The following LRWD1 variants were observed in gnomAD, a reference collection of about 807,000 sequenced individuals.
LRWD1 encodes leucine-rich repeat and WD repeat-containing protein 1.
In LRWD1, 76 loss-of-function variants were observed where a neutral mutation model predicts 75.6. The observed-to-expected ratio is 1.01, with a 90% CI of 0.84 to 1.22. LRWD1 has a LOEUF of 1.22. LRWD1 is among the 50% of genes most tolerant of loss of function. LRWD1 has a pLI of 0.00. For missense variants in LRWD1, 917 were observed against 862.0 expected, an observed-to-expected ratio of 1.06 and a Z score of -0.80; for synonymous variants, 487 against 377.0, an observed-to-expected ratio of 1.29 and a Z score of -3.38.
chr7:102,468,024 AG>A lies in LRWD1; in HGVS notation c.679-36del, dbSNP rs1798065142. 4 of 1,594,250 alleles carry A rather than the reference AG, an allele frequency of 2.5e-6. No individual in the cohort carries two copies. The African/African-American group carries it at 5.4e-5, about 21-fold the overall frequency. Reference sequence around the variant, plus strand: ...CTGTGATGGGGAGGAAGGAAGCCCCAGGCAGACAGGCCCATGGTCACAAGGC... The same window carrying A: ...CTGTGATGGGGAGGAAGGAAGCCCCAGCAGACAGGCCCATGGTCACAAGGC... On this transcript the variant is annotated intron_variant, in intron 5 of 14. Coordinates refer to ENST00000292616, the MANE Select transcript of LRWD1 (RefSeq NM_152892.3).
rs200797856 is a variant in LRWD1, at chr7:102,473,116, T to G, written c.*67T>G. ...TTATTCAGCTTTGGGCCGATGGGGG[T>G]GGGGGGGGGTCTTTCAGTGAATATT... On this transcript the variant is annotated 3_prime_UTR_variant, in exon 15 of 15. Coordinates refer to ENST00000292616, the MANE Select transcript of LRWD1 (RefSeq NM_152892.3). The G allele has an allele frequency of 2.4e-4, 290 of 1,211,614 alleles. No individual in the cohort carries two copies. The highest frequency in any genetic ancestry group is 2.5e-4 in the Non-Finnish European group (224 of 882,772). 75.1% of individuals were successfully genotyped at this position (1,211,614 alleles called of 1,614,324 possible).
At position 102,466,201 on chromosome 7, in the gene LRWD1, G is replaced by A. The variant is rs1306823223; in HGVS notation, c.363G>A (p.Lys121=). 1 of 1,614,180 alleles carries A rather than the reference G, an allele frequency of 6.2e-7. No homozygotes were observed. The highest frequency in any genetic ancestry group is 8.5e-7 in the Non-Finnish European group (1 of 1,180,032). The change falls in exon 3 of 15, where the codon AAG becomes AAA. Residue 121 remains lysine, a synonymous_variant. Transcript: ENST00000292616. The part of the protein sequence containing the change: ...KVSFLLPTLR[K]VNGKDASSTY... ...CCTTTCTCCTGCCCACGCTCCGTAA[G>A]GTCAATGGCAAGGATGCGTCCTCAA...
rs1797933469 is a variant in LRWD1 at position 102,465,488 on chromosome 7, GCT to G, written c.81-328_81-327del. ...GCCCCCGAGTCCTAAAGTAGTTGCA[GCT>G]TTTTTTTTTTTTTTTTTTTTTTTTT... is the stretch of plus-strand genomic sequence containing the variant. On this transcript the variant is annotated intron_variant, in intron 1 of 14. Coordinates refer to ENST00000292616, the MANE Select transcript of LRWD1 (RefSeq NM_152892.3). 92 of 108,042 alleles carry G rather than the reference GCT, an allele frequency of 8.5e-4. 26 individuals are homozygous for G. The highest frequency in any genetic ancestry group is 2.5e-3 in the East Asian group (7 of 2,784). 6.7% of individuals were successfully genotyped at this position (108,042 alleles called of 1,614,324 possible).
At chr7:102,465,193 T>C in intron 1 of LRWD1, 33 bp downstream of exon 1, 1 of 1,433,760 alleles carries the variant, frequency 7.0e-7, no homozygotes, top group Non-Finnish European at 9.1e-7. Flanking sequence ...GGCTGTGTCC[T>C]CGGGGCCGGG....
At chr7:102,467,118 G>GAT (rs1798012258) in intron 3 of LRWD1, among the ~76,000 whole-genome samples, 1 of 114,446 alleles carries the variant, frequency 8.7e-6, no homozygotes, top group Non-Finnish European at 1.7e-5. Context: ...TTGTTGCTGG[G>GAT]GTGTGTGTGT....
intron 1 of LRWD1, 150 bp from the exon 2 acceptor site, chr7:102,465,667 G>A: frequency 1.6e-6 from 1 of 634,538 alleles, no homozygotes; most frequent in Admixed American, 2.7e-5. Flanking sequence ...GTGACACCCC[G>A]TCTCTAAAAA....
At position 102,468,163 on chromosome 7, in the gene LRWD1, TG is replaced by T. The variant is rs1798070326; in HGVS notation, c.781del (p.Val261TrpfsTer11). 1 of 1,606,412 alleles carries T rather than the reference TG, an allele frequency of 6.2e-7. No individual in the cohort carries two copies. Among genetic ancestry groups the T allele is most frequent in the Non-Finnish European group, 8.5e-7 (1 of 1,177,572 alleles). ...CGTCGGCCCAGGTGGAGGGCAGCCC[TG>T]TGGCAGGCTCCGATGGCAGCCAGGT... Reference protein sequence around the residue: ...SPSAQVEGSPVAGSDGSQPAV... With the variant: ...SPSAQVEGSPXAGSDGSQPAV... On this transcript the variant is annotated frameshift_variant, in exon 6 of 15. Transcript: ENST00000292616. LOFTEE classifies it high-confidence loss of function.
chr7:102,466,340 A>T, intron 3 of LRWD1, 70 bp downstream of exon 3: 1 of 1,292,790 alleles, frequency 7.7e-7, no homozygotes, highest in East Asian at 2.3e-5. Context: ...AGAATTGGAC[A>T]TCAGGAGGAT....
Position 102,467,651 on chromosome 7 carries a change from CTA to C in LRWD1, c.574-66_574-65del, listed in dbSNP as rs1202661026. ...CTCTGGAAGCATAAGCTCCCCCTGA[CTA>C]TGCATCGGCAGGGCTGGGGGCACCT... is the stretch of plus-strand genomic sequence containing the variant. On this transcript the variant is annotated intron_variant, in intron 4 of 14. Coordinates refer to ENST00000292616, the MANE Select transcript of LRWD1 (RefSeq NM_152892.3). The C allele has an allele frequency of 7.9e-6, 12 of 1,516,258 alleles. No homozygotes were observed. In the South Asian group the frequency reaches 1.2e-4, roughly 15 times the overall value. 93.9% of individuals were successfully genotyped at this position (1,516,258 alleles called of 1,614,324 possible).
rs761600898 is a variant in LRWD1, at chr7:102,473,128, T to C, written c.*79T>C. On this transcript the variant is annotated 3_prime_UTR_variant, in exon 15 of 15. Transcript: ENST00000292616. ...GGGCCGATGGGGGTGGGGGGGGGTCTTTCAGTGAATATTTTTATTAAACTC... is the reference window on the plus strand; with the variant it reads ...GGGCCGATGGGGGTGGGGGGGGGTCCTTCAGTGAATATTTTTATTAAACTC... The C allele has an allele frequency of 1.3e-5, 19 of 1,423,192 alleles. No individual in the cohort carries two copies. The highest frequency in any genetic ancestry group is 2.4e-5 in the East Asian group (1 of 42,316). The allele number at this position is 1,423,192 out of a possible 1,614,324, so 88.2% of individuals were successfully genotyped here.
chr7:102,470,105 A>T lies in LRWD1; in HGVS notation c.1442+223A>T. On this transcript the variant is annotated intron_variant, in intron 11 of 14. Coordinates refer to ENST00000292616, the MANE Select transcript of LRWD1 (RefSeq NM_152892.3). ...TCAGCTGTGGGACTGGGCCATGATG[A>T]CCTCCCCTTCACCTGGGGCTTCAGC... The T allele has an allele frequency of 5.7e-6, 3 of 530,376 alleles. No homozygotes were observed. In the East Asian group the frequency reaches 9.9e-5, roughly 18 times the overall value. 32.9% of individuals were successfully genotyped at this position (530,376 alleles called of 1,614,324 possible).
chr7:102,465,201 G>C, intron 1 of LRWD1, 41 bp downstream of exon 1: 1 of 1,405,914 alleles, frequency 7.1e-7, no homozygotes, highest in Non-Finnish European at 9.3e-7. Context: ...CCTCGGGGCC[G>C]GGCGGTCGGG....
intron 11 of LRWD1, 43 bp from the exon 12 acceptor site, chr7:102,472,175 A>T (rs375151598): frequency 1.9e-6 from 3 of 1,543,966 alleles, no homozygotes; most frequent in Non-Finnish European, 8.8e-7. Context: ...GCAGCTCTCT[A>T]TCTGCAAGGA....
chr7:102,467,515 C>G, intron 4 of LRWD1, 36 bp downstream of exon 4: 1 of 1,605,318 alleles, frequency 6.2e-7, no homozygotes, highest in Non-Finnish European at 8.5e-7. Flanking sequence ...GAGTCACTGG[C>G]TCTCGTATCT....
At chr7:102,469,262 G>A (rs1798114179) in intron 9 of LRWD1, among the ~76,000 whole-genome samples, 200 bp downstream of exon 9, 1 of 152,222 alleles carries the variant, frequency 6.6e-6, no homozygotes, top group African/African-American at 2.4e-5. Flanking sequence ...TGTGGCCTCG[G>A]AGTTTTCCAA....
chr7:102,468,932 G>GGCTGCAGGCCTACGGGGCCTGGTCCGGCT lies in LRWD1; in HGVS notation c.1105_1133dup (p.His378GlnfsTer139). On this transcript the variant is annotated frameshift_variant, in exon 9 of 15. Coordinates refer to ENST00000292616, the MANE Select transcript of LRWD1 (RefSeq NM_152892.3). LOFTEE classifies it high-confidence loss of function. ...ACAAGAAGCGCTGGAGTGTGCTGGC[G>GGCTGCAGGCCTACGGGGCCTGGTCCGGCT]GCTGCAGGCCTACGGGGCCTGGTCC... The GGCTGCAGGCCTACGGGGCCTGGTCCGGCT allele has an allele frequency of 1.2e-6, 2 of 1,612,762 alleles. No homozygotes were observed. The highest frequency in any genetic ancestry group is 1.7e-6 in the Non-Finnish European group (2 of 1,179,922).
intron 1 of LRWD1, 152 bp downstream of exon 1, chr7:102,465,312 C>G: frequency 1.3e-6 from 1 of 799,120 alleles, no homozygotes; most frequent in Middle Eastern, 4.0e-4. Context: ...AGATCGTGGC[C>G]CCACCCGCTC....
At position 102,472,782 on chromosome 7, in the gene LRWD1, C is replaced by A; in HGVS notation, c.1781C>A (p.Ala594Glu). 6.2e-7 allele frequency: 1 copy of A among 1,613,440 alleles called. No individual in the cohort carries two copies. The highest frequency in any genetic ancestry group is 1.1e-5 in the South Asian group (1 of 91,086). Reference protein sequence around the residue: ...NILKQPPLLPAALQAPTQILK... With the variant: ...NILKQPPLLPEALQAPTQILK... The stretch of plus-strand genomic sequence containing the variant: ...CTGAAGCAGCCACCCCTGCTGCCGG[C>A]AGCCCTGCAGGCCCCCACACAGGTA... Residue 594 changes from alanine to glutamate, a missense_variant, in exon 14 of 15, where the codon GCA becomes GAA. Physicochemically the swap from Ala to Glu is moderately radical, Grantham distance 107. Coordinates refer to ENST00000292616, the MANE Select transcript of LRWD1 (RefSeq NM_152892.3).
intron 5 of LRWD1, 23 bp from the exon 6 acceptor site, chr7:102,468,039 T>C: frequency 1.2e-6 from 2 of 1,602,048 alleles, no homozygotes; most frequent in Non-Finnish European, 1.7e-6. Flanking sequence ...GACAGGCCCA[T>C]GGTCACAAGG....
Sources: allele counts gnomAD v4.1 joint callset (sites outside exome capture counted in the v4.1 genomes callset), GRCh38; gene constraint gnomAD v4.1.1; transcripts MANE v1.5; gene names NCBI Gene and HGNC (gene_info 2026-07-23, HGNC 2026-07-21).